SMAD3: variants seen among roughly 807,000 people sequenced by gnomAD.
SMAD3 encodes the protein MAD homolog 3.
In SMAD3, 12 loss-of-function variants were observed where a neutral mutation model predicts 51.8. The ratio of observed to expected loss-of-function variants is 0.23; its 90% confidence interval spans 0.15 to 0.38. The LOEUF is 0.38. SMAD3 is among the 10% of genes least tolerant of loss of function. The probability of loss-of-function intolerance (pLI) is 1.00; values close to 1 mark genes in which losing one functional copy is unlikely to be tolerated. For missense variants in SMAD3, 294 were observed against 565.6 expected (o/e 0.52, Z 4.87); for synonymous variants, 238 against 227.7 (o/e 1.05, Z -0.41).
At chr15:67,163,801 C>T (rs529747863) in intron 1 of SMAD3, among the ~76,000 whole-genome samples, 2 of 152,126 alleles carry the variant, frequency 1.3e-5, no homozygotes, top group African/African-American at 4.8e-5. Flanking sequence ...TAAGTAGGCA[C>T]AGTAGTGTGC....
intron 5 of SMAD3, among the ~76,000 whole-genome samples, chr15:67,172,874 A>G (rs1342891616): frequency 6.6e-6 from 1 of 152,002 alleles, no homozygotes; most frequent in Non-Finnish European, 1.5e-5. Flanking sequence ...GCTGACTTTT[A>G]CGTTGGAGAC....
intron 1 of SMAD3, among the ~76,000 whole-genome samples, chr15:67,071,998 G>T (rs980470700): frequency 6.6e-6 from 1 of 152,132 alleles, no homozygotes; most frequent in Admixed American, 6.5e-5. Flanking sequence ...GTCTTTGCAA[G>T]GGTGAAGTTT....
Position 67,194,412 on chromosome 15 carries a change from C to A in SMAD3, c.*3876C>A, listed in dbSNP as rs968364254. ...GTGGGGAGATGATGGGCTAAACAGG[C>A]AACTTTTCAAAAACACAGCTATCAT... On this transcript the variant is annotated 3_prime_UTR_variant, in exon 9 of 9. Transcript: ENST00000327367. 4.3e-5 allele frequency: 10 copies of A among 233,152 alleles called. No homozygotes were observed. Among genetic ancestry groups the A allele is most frequent in the Non-Finnish European group, 6.8e-5 (8 of 117,980 alleles). The allele number at this position is 233,152 out of a possible 1,614,324, so 14.4% of individuals were successfully genotyped here. A position where few individuals can be genotyped will look rare whatever the true frequency, so the allele number is the denominator to read the frequency against.
intron 7 of SMAD3, among the ~76,000 whole-genome samples, chr15:67,186,037 A>G (rs1429397901): frequency 2.6e-5 from 4 of 152,286 alleles, no homozygotes; most frequent in African/African-American, 4.8e-5. Flanking sequence ...GCATTTATAG[A>G]GTACATTCCG....
At position 67,184,817 on chromosome 15, in the gene SMAD3, A is replaced by G; in HGVS notation, c.962A>G (p.Asn321Ser). 6.2e-7 allele frequency: 1 copy of G among 1,613,684 alleles called. No individual in the cohort carries two copies. The highest frequency in any genetic ancestry group is 1.1e-5 in the South Asian group (1 of 91,066). The change falls in exon 7 of 9, where the codon AAC becomes AGC. Residue 321 changes from asparagine (N) to serine (S), a missense_variant. Asn to Ser is a conservative substitution (Grantham distance 46, BLOSUM62 1). Transcript: ENST00000327367. The part of the protein sequence containing the change: ...SAIFVQSPNC[N>S]QRYGWHPATV... ...ATTTTTGTCCAGTCTCCCAACTGTA[A>G]CCAGCGCTATGGCTGGCACCCGGCC...
intron 3 of SMAD3, chr15:67,166,141 A>G: frequency 9.9e-7 from 1 of 1,007,872 alleles, no homozygotes; most frequent in African/African-American, 1.7e-5. Flanking sequence ...TAAGGAGGAG[A>G]CCCACTGTCC....
intron 1 of SMAD3, among the ~76,000 whole-genome samples, chr15:67,107,069 C>G (rs993801751): frequency 7.2e-5 from 11 of 151,954 alleles, no homozygotes; most frequent in African/African-American, 2.2e-4. Flanking sequence ...CTTCCCAAGC[C>G]TTAGTCATCA....
At chr15:67,081,232 T>C (rs1960274572) in intron 1 of SMAD3, among the ~76,000 whole-genome samples, 1 of 152,142 alleles carries the variant, frequency 6.6e-6, no homozygotes, top group Non-Finnish European at 1.5e-5. Context: ...ACAGAGAGTA[T>C]TCATTACTTA....
chr15:67,147,577 CCA>C (rs1166243725), intron 1 of SMAD3, among the ~76,000 whole-genome samples: 1 of 152,100 alleles, frequency 6.6e-6, no homozygotes, highest in Admixed American at 6.5e-5. Context: ...CCCACCAGCT[CCA>C]AAGTCCTGTG....
chr15:67,158,699 A>G (rs1246157611), intron 1 of SMAD3, among the ~76,000 whole-genome samples: 5 of 152,240 alleles, frequency 3.3e-5, no homozygotes, highest in Non-Finnish European at 5.9e-5. Flanking sequence ...GTGCCTTATT[A>G]TCCACACGGC....
chr15:67,137,805 A>G (rs1961703712), intron 1 of SMAD3, among the ~76,000 whole-genome samples: 1 of 152,230 alleles, frequency 6.6e-6, no homozygotes, highest in South Asian at 2.1e-4. Flanking sequence ...TAGGGTCAGA[A>G]TGGCAGGTCA....
intron 1 of SMAD3, among the ~76,000 whole-genome samples, chr15:67,152,136 T>C (rs973597392): frequency 1.3e-5 from 2 of 152,238 alleles, no homozygotes; most frequent in African/African-American, 4.8e-5. Context: ...TCCCCATCCC[T>C]CTGTTCCCTT....
intron 4 of SMAD3, 83 bp downstream of exon 4, chr15:67,166,936 TCTCC>T: frequency 4.9e-6 from 5 of 1,026,926 alleles, no homozygotes; most frequent in Non-Finnish European, 6.0e-6. Context: ...CTCTTCGCCC[TCTCC>T]CTCCCTCCCT....
At chr15:67,190,382 C>G (rs929743411) in intron 8 of SMAD3, 31 bp from the exon 9 acceptor site, 1 of 1,608,416 alleles carries the variant, frequency 6.2e-7, no homozygotes, top group East Asian at 2.2e-5. Context: ...TTTTAAGTCC[C>G]CCACCCCACC....
chr15:67,066,470 T>A, intron 1 of SMAD3, 110 bp downstream of exon 1: 3 of 861,728 alleles, frequency 3.5e-6, no homozygotes, highest in Non-Finnish European at 5.5e-6. Context: ...AGGGAGGGAG[T>A]GAGACTGTGT....
At chr15:67,102,686 G>A (rs901682939) in intron 1 of SMAD3, among the ~76,000 whole-genome samples, 1 of 152,056 alleles carries the variant, frequency 6.6e-6, no homozygotes, top group African/African-American at 2.4e-5. Flanking sequence ...TGGTGGTCCT[G>A]GCTGGTCAGT....
chr15:67,159,636 G>A (rs1050651711), intron 1 of SMAD3, among the ~76,000 whole-genome samples: 4 of 152,036 alleles, frequency 2.6e-5, no homozygotes, highest in Admixed American at 2.0e-4. Context: ...GTTTCCAAGT[G>A]CACCTTGGTA....
At chr15:67,070,180 C>T (rs1960021377) in intron 1 of SMAD3, among the ~76,000 whole-genome samples, 1 of 152,188 alleles carries the variant, frequency 6.6e-6, no homozygotes, top group African/African-American at 2.4e-5. Context: ...CACTTCAGAG[C>T]ACCATGCCCG....
At chr15:67,188,166 T>TTG in intron 8 of SMAD3, among the ~76,000 whole-genome samples, 1 of 148,600 alleles carries the variant, frequency 6.7e-6, no homozygotes, top group African/African-American at 2.5e-5. Context: ...TTTTTTTTTT[T>TTG]TTTGAGATGG....
Sources: allele counts gnomAD v4.1 joint callset (sites outside exome capture counted in the v4.1 genomes callset), GRCh38; gene constraint gnomAD v4.1.1; transcripts MANE v1.5; gene names NCBI Gene and HGNC (gene_info 2026-07-23, HGNC 2026-07-21).